The following SCARF1 variants were observed in gnomAD, a reference collection of about 807,000 sequenced individuals.
SCARF1 encodes acetyl LDL receptor.
SCARF1 carries 49 observed loss-of-function variants against 76.3 expected under a neutral mutation model. The observed-to-expected ratio is 0.64, with a 90% CI of 0.51 to 0.81. SCARF1 has a LOEUF of 0.81. Ranked by LOEUF, SCARF1 falls within the 40% of genes least tolerant of loss-of-function variation. The pLI is 0.00. For missense variants in SCARF1, 1,098 were observed against 1,143.9 expected, an observed-to-expected ratio of 0.96 and a Z score of 0.58; for synonymous variants, 495 against 474.6, an observed-to-expected ratio of 1.04 and a Z score of -0.56.
At chr17:1,637,490 G>C (rs898674402) in intron 8 of SCARF1, among the ~76,000 whole-genome samples, 5 of 151,512 alleles carry the variant, frequency 3.3e-5, no homozygotes, top group African/African-American at 1.2e-4. Context: ...CTCTATTTTT[G>C]GGACAGAGTC....
At position 1,636,849 on chromosome 17, in the gene SCARF1, T is replaced by G; in HGVS notation, c.1493A>C (p.His498Pro). The change falls in exon 10 of 11, where the codon CAT becomes CCT. Residue 498 changes from histidine (H) to proline (P), a missense_variant. By Grantham distance (77) the His-to-Pro change is moderately conservative (BLOSUM62 -2). Transcript: ENST00000263071. ...GTTGAAGGGGACCTCCGGGTCGTGATGTGAGACTGTAGAGACTCCAGATCA... is the reference window on the plus strand; with the variant it reads ...GTTGAAGGGGACCTCCGGGTCGTGAGGTGAGACTGTAGAGACTCCAGATCA... ...SHKLPWVTVSHHDPEVPFNHS... is the reference protein window; with the variant it reads ...SHKLPWVTVSPHDPEVPFNHS... 6.2e-7 allele frequency: 1 copy of G among 1,614,028 alleles called. No individual in the cohort carries two copies. The highest frequency in any genetic ancestry group is 8.5e-7 in the Non-Finnish European group (1 of 1,179,978).
In SCARF1 at chr17:1,645,449, C is replaced by T. The variant is rs1041339195; in HGVS notation, c.101+148G>A. 2.0e-5 allele frequency: 30 copies of T among 1,509,454 alleles called. No homozygotes were observed. The highest frequency in any genetic ancestry group is 4.2e-5 in the African/African-American group (3 of 71,812). 93.5% of individuals were successfully genotyped at this position (1,509,454 alleles called of 1,614,324 possible). A position where few individuals can be genotyped will look rare whatever the true frequency, so the allele number is the denominator to read the frequency against. On this transcript the variant is annotated intron_variant, in intron 1 of 10. Transcript: ENST00000263071. This position sits in a 1 kb window ranked among gnomAD's most constrained non-coding sequence, Gnocchi z 6.3. ...CCTGGCTGGCCACTACCTGCCAGAC[C>T]GCCATCAGCAGTCCCTTCCTTTCAG...
Position 1,645,659 on chromosome 17 carries a change from C to G in SCARF1, c.39G>C (p.Trp13Cys). The G allele has an allele frequency of 6.2e-7, 1 of 1,607,428 alleles. No individual in the cohort carries two copies. Among genetic ancestry groups the G allele is most frequent in the Non-Finnish European group, 8.5e-7 (1 of 1,178,778 alleles). ...LGLLLPLLLL[W>C]TRGTQGSELD... ...GCTCGGACCCCTGAGTCCCCCGAGT[C>G]CAGAGCAGCAGCAGCGGGAGCAGCA... The change falls in exon 1 of 11, where the codon TGG becomes TGC. Residue 13 changes from tryptophan (W) to cysteine (C), a missense_variant. Transcript: ENST00000263071. The surrounding 1 kb of genome is among the most constrained non-coding windows in gnomAD (Gnocchi z 6.3).
chr17:1,636,698 T>TG lies in SCARF1; in HGVS notation c.1633+10dup. 3.1e-6 allele frequency: 5 copies of TG among 1,613,240 alleles called. No individual in the cohort carries two copies. Among genetic ancestry groups the TG allele is most frequent in the Non-Finnish European group, 3.4e-6 (4 of 1,179,512 alleles). The stretch of plus-strand genomic sequence containing the variant: ...GCTGCTCAGGGGCTATGTGGGCTGT[T>TG]GGGGGGCTACCTTCTTGGGGTGGCA... On this transcript the variant is annotated intron_variant, in intron 10 of 10. Coordinates refer to ENST00000263071, the MANE Select transcript of SCARF1 (RefSeq NM_003693.4).
Position 1,645,668 on chromosome 17 carries a change from C to CAGT in SCARF1, c.29_30insACT (p.Leu12dup). On this transcript the variant is annotated inframe_insertion, in exon 1 of 11. Transcript: ENST00000263071. This position sits in a 1 kb window ranked among gnomAD's most constrained non-coding sequence, Gnocchi z 6.3. Reference sequence around the variant, plus strand: ...CCTGAGTCCCCCGAGTCCAGAGCAGCAGCAGCGGGAGCAGCAGCCCCAGCC... The same window carrying CAGT: ...CCTGAGTCCCCCGAGTCCAGAGCAGCAGTAGCAGCGGGAGCAGCAGCCCCAGCC... The CAGT allele has an allele frequency of 6.2e-7, 1 of 1,608,182 alleles. No homozygotes were observed. Among genetic ancestry groups the CAGT allele is most frequent in the South Asian group, 1.1e-5 (1 of 90,718 alleles).
intron 4 of SCARF1, among the ~76,000 whole-genome samples, chr17:1,641,158 C>T (rs544805690): frequency 6.6e-6 from 1 of 152,292 alleles, no homozygotes; most frequent in African/African-American, 2.4e-5. Context: ...GGTACTAGTC[C>T]GTGGCATGTT....
At position 1,643,723 on chromosome 17, in the gene SCARF1, C is replaced by A; in HGVS notation, c.510G>T (p.Ala170=). The A allele has an allele frequency of 7.5e-7, 1 of 1,331,952 alleles. No homozygotes were observed. The allele number at this position is 1,331,952 out of a possible 1,614,324, so 82.5% of individuals were successfully genotyped here. ...RRPCQCNTAA[A]RCEQATGACV... is the part of the protein sequence containing the mutation. ...AGGCGCCCGTGGCCTGCTCGCAGCG[C>A]GCCGCCGCGGTGTTGCACTGGCACG... is the stretch of plus-strand genomic sequence containing the variant. Residue 170 remains alanine (A), a synonymous_variant, in exon 4 of 11, where the codon GCG becomes GCT. Coordinates refer to ENST00000263071, the MANE Select transcript of SCARF1 (RefSeq NM_003693.4).
chr17:1,637,397 C>T (rs1909677208), intron 8 of SCARF1, among the ~76,000 whole-genome samples: 1 of 152,032 alleles, frequency 6.6e-6, no homozygotes, highest in African/African-American at 2.4e-5. Context: ...TATCATCTAT[C>T]TGAGCTTTTT....
Position 1,645,255 on chromosome 17 carries a change from G to C in SCARF1, c.102-16C>G. On this transcript the variant is annotated splice_polypyrimidine_tract_variant and intron_variant, in intron 1 of 10. Coordinates refer to ENST00000263071, the MANE Select transcript of SCARF1 (RefSeq NM_003693.4). The surrounding 1 kb of genome is among the most constrained non-coding windows in gnomAD (Gnocchi z 6.3). ...AGCAGAGGGGCTGTGGGGCAAAAAG[G>C]GGTCAGCCGGACATGGTGGGGGGTG... The C allele has an allele frequency of 6.2e-7, 1 of 1,612,394 alleles. No individual in the cohort carries two copies. Among genetic ancestry groups the C allele is most frequent in the Non-Finnish European group, 8.5e-7 (1 of 1,179,876 alleles).
chr17:1,643,591 C>T lies in SCARF1; in HGVS notation c.642G>A (p.Trp214Ter). The T allele has an allele frequency of 2.0e-6, 3 of 1,474,614 alleles. No homozygotes were observed. Among genetic ancestry groups the T allele is most frequent in the South Asian group, 1.3e-5 (1 of 78,412 alleles). 91.3% of individuals were successfully genotyped at this position (1,474,614 alleles called of 1,614,324 possible). Reference protein sequence around the residue: ...DSGRCACRPGWWGPECQQQCE... With the variant: ...DSGRCACRPG ...ACTGCTGCTGGCATTCGGGACCCCACCAGCCCGGCCGGCAGGCGCAGCGGC... is the reference window on the plus strand; with the variant it reads ...ACTGCTGCTGGCATTCGGGACCCCATCAGCCCGGCCGGCAGGCGCAGCGGC... Residue 214 changes from tryptophan to a stop codon, truncating the protein, a stop_gained, in exon 4 of 11, where the codon TGG becomes TGA. Coordinates refer to ENST00000263071, the MANE Select transcript of SCARF1 (RefSeq NM_003693.4). LOFTEE classifies it high-confidence loss of function.
At chr17:1,643,093 C>T (rs1027541559) in intron 4 of SCARF1, among the ~76,000 whole-genome samples, 3 of 151,590 alleles carry the variant, frequency 2.0e-5, no homozygotes, top group Non-Finnish European at 4.4e-5. Flanking sequence ...CCCGCCGCGG[C>T]CACCTGTCTC....
rs1251074481 is a variant in SCARF1, at chr17:1,638,470, G to A, written c.1364+336C>T. The A allele has an allele frequency of 1.5e-4, 27 of 185,196 alleles. No homozygotes were observed. The East Asian group carries it at 2.6e-3, about 17-fold the overall frequency. The allele number at this position is 185,196 out of a possible 1,614,324, so 11.5% of individuals were successfully genotyped here. A position where few individuals can be genotyped will look rare whatever the true frequency, so the allele number is the denominator to read the frequency against. On this transcript the variant is annotated intron_variant, in intron 8 of 10. Coordinates refer to ENST00000263071, the MANE Select transcript of SCARF1 (RefSeq NM_003693.4). The stretch of plus-strand genomic sequence containing the variant: ...CTTTCTGCCTCCCGCTGCAGGCTCC[G>A]GTTCGCCAGCCTGGTGCCCATGCAA...
At position 1,644,965 on chromosome 17, in the gene SCARF1, A is replaced by G. The variant is rs372828426; in HGVS notation, c.164-30T>C. 18 of 1,606,142 alleles carry G rather than the reference A, an allele frequency of 1.1e-5. No individual in the cohort carries two copies. The highest frequency in any genetic ancestry group is 1.5e-5 in the Non-Finnish European group (18 of 1,176,348). ...AAGACACCCCACCCAGGTTGGAAAGACGGGAGCAGGACCAGGGGACACCCC... is the reference window on the plus strand; with the variant it reads ...AAGACACCCCACCCAGGTTGGAAAGGCGGGAGCAGGACCAGGGGACACCCC... On this transcript the variant is annotated intron_variant, in intron 2 of 10. Coordinates refer to ENST00000263071, the MANE Select transcript of SCARF1 (RefSeq NM_003693.4). The surrounding 1 kb of genome is among the most constrained non-coding windows in gnomAD (Gnocchi z 4.8).
rs935357705 is a variant in SCARF1, at chr17:1,635,255, C to A, written c.1996G>T (p.Gly666Cys). 15 of 1,611,574 alleles carry A rather than the reference C, an allele frequency of 9.3e-6. No homozygotes were observed. The highest frequency in any genetic ancestry group is 1.3e-5 in the Non-Finnish European group (15 of 1,178,914). ...SATGHRRPPLGGRTVAEHVEA... is the reference protein window; with the variant it reads ...SATGHRRPPLCGRTVAEHVEA... Reference sequence around the variant, plus strand: ...ACGTGCTCAGCCACTGTCCGGCCACCAAGTGGGGGCCGCCGGTGGCCAGTG... The same window carrying A: ...ACGTGCTCAGCCACTGTCCGGCCACAAAGTGGGGGCCGCCGGTGGCCAGTG... Residue 666 changes from glycine to cysteine, a missense_variant, in exon 11 of 11, where the codon GGT (glycine) becomes TGT (cysteine). Gly to Cys is a radical substitution (Grantham distance 159). Coordinates refer to ENST00000263071, the MANE Select transcript of SCARF1 (RefSeq NM_003693.4).
chr17:1,637,863 A>T (rs190327293), intron 8 of SCARF1, among the ~76,000 whole-genome samples: 1 of 152,082 alleles, frequency 6.6e-6, no homozygotes, highest in African/African-American at 2.4e-5. Flanking sequence ...TCTGCTCTTC[A>T]CTGTTCCTCC....
Position 1,643,590 on chromosome 17 carries a change from A to C in SCARF1, c.643T>G (p.Trp215Gly). The C allele has an allele frequency of 6.8e-7, 1 of 1,470,182 alleles. No individual in the cohort carries two copies. The highest frequency in any genetic ancestry group is 8.9e-7 in the Non-Finnish European group (1 of 1,118,200). 91.1% of individuals were successfully genotyped at this position (1,470,182 alleles called of 1,614,324 possible). ...CACTGCTGCTGGCATTCGGGACCCC[A>C]CCAGCCCGGCCGGCAGGCGCAGCGG... ...SGRCACRPGW[W>G]GPECQQQCEC... Residue 215 changes from tryptophan to glycine, a missense_variant, in exon 4 of 11, where the codon TGG becomes GGG. By Grantham distance (184) the Trp-to-Gly change is radical. Transcript: ENST00000263071.
Position 1,635,290 on chromosome 17 carries a change from C to CCGG in SCARF1, c.1958_1960dup (p.Pro653_Gly654insAla), listed in dbSNP as rs112951326. The CCGG allele has an allele frequency of 4.1e-5, 66 of 1,612,268 alleles. No individual in the cohort carries two copies. The African/African-American group carries it at 6.3e-4, about 15-fold the overall frequency. ...CCGCCGGTGGCCAGTGGCTGAATCC[C>CCGG]CGGGACTGGCAGCCGCCGGAAAGGA... On this transcript the variant is annotated inframe_insertion, in exon 11 of 11. Coordinates refer to ENST00000263071, the MANE Select transcript of SCARF1 (RefSeq NM_003693.4).
Position 1,638,612 on chromosome 17 carries a change from C to T in SCARF1, c.1364+194G>A, listed in dbSNP as rs572626189. On this transcript the variant is annotated intron_variant, in intron 8 of 10. Transcript: ENST00000263071. ...CTCCATCACCTCTGACCTACGTGGG[C>T]GACAAGGCCAGCCCTCCCCACCCCC... The T allele has an allele frequency of 1.5e-4, 87 of 588,348 alleles. 2 individuals carry two copies. Among genetic ancestry groups the T allele is most frequent in the Admixed American group, 1.4e-3 (37 of 26,868 alleles). 36.4% of individuals were successfully genotyped at this position (588,348 alleles called of 1,614,324 possible). A position where few individuals can be genotyped will look rare whatever the true frequency, so the allele number is the denominator to read the frequency against.
At position 1,645,293 on chromosome 17, in the gene SCARF1, G is replaced by A. The variant is rs1910444099; in HGVS notation, c.102-54C>T. The A allele has an allele frequency of 1.3e-6, 2 of 1,594,938 alleles. No individual in the cohort carries two copies. The highest frequency in any genetic ancestry group is 1.7e-6 in the Non-Finnish European group (2 of 1,169,746). ...ATGGTGGGGGGTGCAGCCTGGCCCT[G>A]AGGAAGGTGGATCACTGTCTCTGGC... On this transcript the variant is annotated intron_variant, in intron 1 of 10. Coordinates refer to ENST00000263071, the MANE Select transcript of SCARF1 (RefSeq NM_003693.4). This position sits in a 1 kb window ranked among gnomAD's most constrained non-coding sequence, Gnocchi z 6.3.
Sources: gnomAD v4.1 joint callset for allele counts (sites outside exome capture counted in the v4.1 genomes callset) on GRCh38, gnomAD v4.1.1 for gene constraint, Gnocchi (gnomAD v3.1) non-coding constraint, MANE v1.5 for transcripts, NCBI Gene and HGNC (gene_info 2026-07-23, HGNC 2026-07-21) for gene names.